Variants in USP25 observed in about 807,000 individuals in gnomAD.
USP25 encodes the protein ubiquitin specific peptidase 25.
Under a neutral mutation model 158.5 loss-of-function variants are expected in USP25, and 85 were observed. The observed-to-expected ratio is 0.54, with a 90% confidence interval of 0.45 to 0.64. The LOEUF is 0.64. USP25 is among the 30% of genes least tolerant of loss of function. USP25 has a pLI of 0.00. For missense variants in USP25, 1,242 were observed against 1,327.3 expected (o/e 0.94, Z 1.00); for synonymous variants, 464 against 460.4 (o/e 1.01, Z -0.10).
chr21:15,810,608 A>C (rs2036609226), intron 8 of USP25, among the ~76,000 whole-genome samples: 1 of 152,196 alleles, frequency 6.6e-6, no homozygotes, highest in African/African-American at 2.4e-5. Context: ...AAAAGAATGA[A>C]GTAGCTGTTC....
intron 8 of USP25, among the ~76,000 whole-genome samples, chr21:15,810,154 T>A (rs1161349729): frequency 6.6e-6 from 1 of 152,018 alleles, no homozygotes; most frequent in African/African-American, 2.4e-5. Flanking sequence ...AAGAAGTGAG[T>A]AGGACAGTGT....
chr21:15,878,903 G>A lies in USP25; in HGVS notation c.*428G>A, dbSNP rs550037447. On this transcript the variant is annotated 3_prime_UTR_variant, in exon 26 of 26. Transcript: ENST00000400183. ...AAATAAAGAATAAAGTTTTATTTATGGCTACCTATGTGTTTGTAAGCAGGT... is the reference window on the plus strand; with the variant it reads ...AAATAAAGAATAAAGTTTTATTTATAGCTACCTATGTGTTTGTAAGCAGGT... The A allele has an allele frequency of 6.5e-6, 1 of 153,642 alleles. No homozygotes were observed. Among genetic ancestry groups the A allele is most frequent in the South Asian group, 2.1e-4 (1 of 4,842 alleles). The allele number at this position is 153,642 out of a possible 1,614,324, so 9.5% of individuals were successfully genotyped here.
chr21:15,781,523 A>G (rs1290166977), intron 4 of USP25, among the ~76,000 whole-genome samples: 2 of 152,134 alleles, frequency 1.3e-5, no homozygotes, highest in Non-Finnish European at 2.9e-5. Context: ...TTCCCTCACA[A>G]AAAAGGAACC....
At chr21:15,837,968 CTTTGTTGCCCAGGCTGAAGTGCA>C (rs1297723456) in intron 17 of USP25, among the ~76,000 whole-genome samples, 4 of 151,210 alleles carry the variant, frequency 2.6e-5, no homozygotes, top group African/African-American at 9.7e-5. Flanking sequence ...GACAGTTTCA[CTTTGTTGCCCAGGCTGAAGTGCA>C]GTGGCATGAT....
intron 3 of USP25, among the ~76,000 whole-genome samples, chr21:15,767,245 G>A (rs368168779): frequency 5.9e-5 from 9 of 152,034 alleles, no homozygotes; most frequent in African/African-American, 1.9e-4. Flanking sequence ...GTACTCAGTG[G>A]TATTTAATTT....
intron 8 of USP25, among the ~76,000 whole-genome samples, chr21:15,809,476 A>C (rs2146287579): frequency 6.6e-6 from 1 of 152,014 alleles, no homozygotes; most frequent in African/African-American, 2.4e-5. Context: ...ACCCCCCCCA[A>C]CCCCTACTGA....
At chr21:15,769,003 C>G (rs534424169) in intron 3 of USP25, among the ~76,000 whole-genome samples, 1 of 152,044 alleles carries the variant, frequency 6.6e-6, no homozygotes, top group Non-Finnish European at 1.5e-5. Flanking sequence ...TGGAATATCA[C>G]TGTTTACAAT....
At chr21:15,818,956 C>T in intron 10 of USP25, 110 bp downstream of exon 10, 2 of 1,289,982 alleles carry the variant, frequency 1.6e-6, no homozygotes, top group Non-Finnish European at 2.1e-6. Context: ...AGAGAGAATA[C>T]TCAGAGAGTA....
At chr21:15,765,816 T>TA (rs1483359364) in intron 2 of USP25, among the ~76,000 whole-genome samples, 181 bp from the exon 3 acceptor site, 1 of 152,100 alleles carries the variant, frequency 6.6e-6, no homozygotes. Flanking sequence ...AGAAAGGTAT[T>TA]ACTATTGATA....
intron 4 of USP25, among the ~76,000 whole-genome samples, chr21:15,789,332 T>G (rs776829082): frequency 1.4e-4 from 22 of 152,078 alleles, no homozygotes; most frequent in Non-Finnish European, 2.8e-4. Flanking sequence ...ATGTGAAAAA[T>G]GTACTTAGGG....
Position 15,866,226 on chromosome 21 carries a change from C to T in USP25, c.2727-40C>T, listed in dbSNP as rs200106721. ...AAATATATATATATATATATACACA[C>T]ACATACACACACGCTCATATGTATG... On this transcript the variant is annotated intron_variant, in intron 21 of 25. Transcript: ENST00000400183. 256 of 1,363,442 alleles carry T rather than the reference C, an allele frequency of 1.9e-4. 4 individuals are homozygous for T. In the East Asian group the frequency reaches 6.1e-3, roughly 33 times the overall value. The allele number at this position is 1,363,442 out of a possible 1,614,324, so 84.5% of individuals were successfully genotyped here. A position where few individuals can be genotyped will look rare whatever the true frequency, so the allele number is the denominator to read the frequency against.
chr21:15,870,203 C>T, intron 23 of USP25, 56 bp downstream of exon 23: 1 of 1,166,806 alleles, frequency 8.6e-7, no homozygotes, highest in Non-Finnish European at 1.2e-6. Context: ...TAATTCTATT[C>T]AGGTGTGACC....
At chr21:15,788,089 T>G (rs561276360) in intron 4 of USP25, among the ~76,000 whole-genome samples, 4 of 152,020 alleles carry the variant, frequency 2.6e-5, no homozygotes, top group Non-Finnish European at 5.9e-5. Context: ...AGCAAGGTGA[T>G]AGGTCAGACT....
intron 24 of USP25, among the ~76,000 whole-genome samples, chr21:15,874,999 G>A (rs1003905599): frequency 5.9e-5 from 9 of 151,900 alleles, no homozygotes; most frequent in African/African-American, 9.7e-5. Context: ...ACCCCATCTC[G>A]ACTAAAATAC....
At chr21:15,861,224 A>G (rs910925391) in intron 20 of USP25, among the ~76,000 whole-genome samples, 5 of 152,120 alleles carry the variant, frequency 3.3e-5, no homozygotes, top group African/African-American at 9.7e-5. Flanking sequence ...AAACAAAGGC[A>G]TGTGTGCATT....
At chr21:15,822,466 C>T (rs1165828965) in intron 10 of USP25, among the ~76,000 whole-genome samples, 1 of 151,712 alleles carries the variant, frequency 6.6e-6, no homozygotes, top group Non-Finnish European at 1.5e-5. Flanking sequence ...AAAAGTGTAC[C>T]CCAGTTTGGG....
At chr21:15,839,373 A>G (rs1223518660) in intron 17 of USP25, among the ~76,000 whole-genome samples, 1 of 152,196 alleles carries the variant, frequency 6.6e-6, no homozygotes. Flanking sequence ...ATATGGTAAA[A>G]GCCGAACTTG....
At chr21:15,854,122 T>G (rs1408543199) in intron 20 of USP25, among the ~76,000 whole-genome samples, 1 of 151,892 alleles carries the variant, frequency 6.6e-6, no homozygotes, top group Non-Finnish European at 1.5e-5. Flanking sequence ...GTATTATAAA[T>G]TGAGGGAAAA....
chr21:15,786,397 C>T (rs556721583), intron 4 of USP25, among the ~76,000 whole-genome samples: 2 of 152,064 alleles, frequency 1.3e-5, no homozygotes, highest in Non-Finnish European at 1.5e-5. Context: ...GATTCTAGCA[C>T]GTCCGATTCA....
Sources: gnomAD v4.1 joint callset for allele counts (sites outside exome capture counted in the v4.1 genomes callset) on GRCh38, gnomAD v4.1.1 for gene constraint, MANE v1.5 for transcripts, NCBI Gene and HGNC (gene_info 2026-07-23, HGNC 2026-07-21) for gene names.